Variants in FBN3 observed in about 807,000 individuals in gnomAD.
FBN3 encodes fibrillin-3.
In FBN3, 234 loss-of-function variants were observed where a neutral mutation model predicts 330.1. The observed-to-expected ratio is 0.71, with a 90% CI of 0.64 to 0.79. The LOEUF (loss-of-function observed/expected upper bound fraction) is 0.79. Ranked by LOEUF, FBN3 falls within the 30% of genes least tolerant of loss-of-function variation. FBN3 has a pLI of 0.00. For missense variants in FBN3, 3,606 were observed against 3,886.9 expected, an observed-to-expected ratio of 0.93 and a Z score of 1.92; for synonymous variants, 1,458 against 1,517.3, an observed-to-expected ratio of 0.96 and a Z score of 0.91.
chr19:8,139,740 A>T (rs1599441496), intron 8 of FBN3, among the ~76,000 whole-genome samples: 1 of 152,094 alleles, frequency 6.6e-6, no homozygotes, highest in Non-Finnish European at 1.5e-5. Context: ...CTCAAGGTCA[A>T]TGGCTTTATG....
At position 8,138,205 on chromosome 19, in the gene FBN3, T is replaced by C; in HGVS notation, c.1137A>G (p.Arg379=). The C allele has an allele frequency of 6.2e-7, 1 of 1,612,836 alleles. No homozygotes were observed. The highest frequency in any genetic ancestry group is 8.5e-7 in the Non-Finnish European group (1 of 1,179,610). The change falls in exon 10 of 64, where the codon CGA becomes CGG. Residue 379 remains arginine, a synonymous_variant. Transcript: ENST00000600128. ...NGMGPPLGPA[R]LNPHGSDARG... Reference sequence around the variant, plus strand: ...GCGCATCAGAGCCATGGGGGTTGAGTCGCGCTGGCCCAAGAGGGGGACCCA... The same window carrying C: ...GCGCATCAGAGCCATGGGGGTTGAGCCGCGCTGGCCCAAGAGGGGGACCCA...
chr19:8,126,471 T>A lies in FBN3; in HGVS notation c.2551A>T (p.Ile851Phe). The change falls in exon 20 of 64, where the codon ATC becomes TTC. Residue 851 changes from isoleucine (I) to phenylalanine (F), a missense_variant. Coordinates refer to ENST00000600128, the MANE Select transcript of FBN3 (RefSeq NM_032447.5). ...GAGGCCTCAAGGAGGATACTACCGA[T>A]CTCGCAGCGTTCGCAGGGGCTCCCC... ...AWGSPCERCE[I>F]DPACARGFAR... 6.2e-7 allele frequency: 1 copy of A among 1,611,846 alleles called. No homozygotes were observed. The highest frequency in any genetic ancestry group is 8.5e-7 in the Non-Finnish European group (1 of 1,179,180).
intron 22 of FBN3, among the ~76,000 whole-genome samples, chr19:8,125,533 G>A (rs1480791659): frequency 6.6e-6 from 1 of 152,170 alleles, no homozygotes; most frequent in African/African-American, 2.4e-5. Context: ...GCTCACGCCT[G>A]TAATCCCAAC....
chr19:8,116,838 C>A (rs1170577203), intron 28 of FBN3, 39 bp from the exon 29 acceptor site: 3 of 1,602,164 alleles, frequency 1.9e-6, no homozygotes, highest in Non-Finnish European at 2.6e-6. Flanking sequence ...TAGCTTTGCC[C>A]TGATAGACCA....
At chr19:8,135,939 C>CCCCCCCCCCCCCCCAAA in intron 13 of FBN3, 22 bp downstream of exon 13, 1 of 385,872 alleles carries the variant, frequency 2.6e-6, no homozygotes, top group Non-Finnish European at 5.0e-6. Flanking sequence ...AGCCCCTGCC[C>CCCCCCCCCCCCCCCAAA]ACCCGCCCAC....
chr19:8,084,004 G>A (rs143734610), intron 56 of FBN3, among the ~76,000 whole-genome samples: 1,676 of 151,680 alleles, frequency 0.011, 32 homozygotes, highest in African/African-American at 0.039. Context: ...GGGTTTCACC[G>A]TGTCAGCCAG....
Position 8,122,966 on chromosome 19 carries a change from C to T in FBN3, c.3082+498G>A, listed in dbSNP as rs763418517. 3.4e-4 allele frequency among the ~76,000 whole-genome samples: 51 copies of T among 151,982 alleles called. 1 individual carries two copies. Among genetic ancestry groups the T allele is most frequent in the Admixed American group, 1.3e-4 (2 of 15,276 alleles). ...ATGTGAGCCACCGCGCCCAGCCCAG[C>T]CCCTTCTTTTATAGTCAGGGTCCCT... On this transcript the variant is annotated intron_variant, in intron 24 of 63. Transcript: ENST00000600128.
At position 8,075,124 on chromosome 19, in the gene FBN3, C is replaced by T. The variant is rs142975316; in HGVS notation, c.7649G>A (p.Arg2550His). ...GGTGAAACCCTGGGGGCAGCTGCAGCGGTAGCCCCCTAGCTGGTTCTGACA... is the reference window on the plus strand; with the variant it reads ...GGTGAAACCCTGGGGGCAGCTGCAGTGGTAGCCCCCTAGCTGGTTCTGACA... ...HGCQNQLGGYRCSCPQGFTQH... is the reference protein window; with the variant it reads ...HGCQNQLGGYHCSCPQGFTQH... Residue 2550 changes from arginine (R) to histidine (H), a missense_variant, in exon 61 of 64, where the codon CGC becomes CAC. Coordinates refer to ENST00000600128, the MANE Select transcript of FBN3 (RefSeq NM_032447.5). 278 of 1,587,774 alleles carry T rather than the reference C, an allele frequency of 1.8e-4. No individual in the cohort carries two copies. Among genetic ancestry groups the T allele is most frequent in the Non-Finnish European group, 2.2e-4 (261 of 1,166,914 alleles).
At chr19:8,132,476 C>A (rs2083170870) in intron 14 of FBN3, among the ~76,000 whole-genome samples, 1 of 151,838 alleles carries the variant, frequency 6.6e-6, no homozygotes, top group African/African-American at 2.4e-5. Flanking sequence ...TGGCCCCTCC[C>A]CACCTTATAA....
chr19:8,101,958 T>C (rs2082335892), intron 40 of FBN3, among the ~76,000 whole-genome samples: 1 of 152,206 alleles, frequency 6.6e-6, no homozygotes, highest in Non-Finnish European at 1.5e-5. Context: ...GTAGCTCCCA[T>C]ATCCCCACAT....
rs1346036622 is a variant in FBN3 at position 8,127,062 on chromosome 19, T to TG, written c.2297-231_2297-230insC. ...AATGCCAAACTGTTTTTTTTTTGTT[T>TG]TTTTTTTTTTTTTGAGACAGAGTCT... On this transcript the variant is annotated intron_variant, in intron 18 of 63. Transcript: ENST00000600128. Among the ~76,000 whole-genome samples the TG allele has an allele frequency of 2.0e-3, 296 of 145,404 alleles. 1 individual carries two copies. The highest frequency in any genetic ancestry group is 7.1e-3 in the South Asian group (32 of 4,530).
At position 8,091,484 on chromosome 19, in the gene FBN3, G is replaced by A. The variant is rs573992919; in HGVS notation, c.6012C>T (p.Asp2004=). 6.2e-7 allele frequency: 1 copy of A among 1,612,632 alleles called. No homozygotes were observed. Among genetic ancestry groups the A allele is most frequent in the East Asian group, 2.2e-5 (1 of 44,830 alleles). ...ACTTACCAAAGCAACGGTGCCCATT[G>A]TCAGAGAGGACAAAGCCAGGTGGGC... The part of the protein sequence containing the change: ...CLCPPGFVLS[D]NGHRCFDTRQ... The change falls in exon 48 of 64, where the codon GAC becomes GAT. Residue 2004 remains aspartate (D), a synonymous_variant. Transcript: ENST00000600128.
intron 13 of FBN3, among the ~76,000 whole-genome samples, chr19:8,134,169 G>A (rs2083222956): frequency 6.6e-6 from 1 of 152,080 alleles, no homozygotes; most frequent in African/African-American, 2.4e-5. Context: ...GTGAACCCGG[G>A]AGGTGGAGGT....
At chr19:8,142,316 CT>C (rs1040099756) in intron 6 of FBN3, among the ~76,000 whole-genome samples, 179 bp from the exon 7 acceptor site, 7 of 152,150 alleles carry the variant, frequency 4.6e-5, no homozygotes, top group African/African-American at 1.7e-4. Flanking sequence ...CCTATTCACC[CT>C]TCAAAACCCT....
intron 13 of FBN3, 21 bp downstream of exon 13, chr19:8,135,940 A>ACCCCCCCCCCCCCCCCCCCCCCCC: frequency 5.9e-6 from 1 of 168,344 alleles, no homozygotes; most frequent in Non-Finnish European, 1.1e-5. Context: ...GCCCCTGCCC[A>ACCCCCCCCCCCCCCCCCCCCCCCC]CCCGCCCACC....
In FBN3 at chr19:8,146,140, G is replaced by T; in HGVS notation, c.336C>A (p.Cys112Ter). The change falls in exon 4 of 64, where the codon TGC becomes TGA. Residue 112 changes from cysteine (C) to a stop codon, truncating the protein, a stop_gained. Coordinates refer to ENST00000600128, the MANE Select transcript of FBN3 (RefSeq NM_032447.5). LOFTEE classifies it high-confidence loss of function. ...TCADGTLAPS[C>*]GVSRGSGCSV... ...CTTCCCGCTCACCTCGGCTCACCCC[G>T]CAGCTGGGAGCCAGCGTCCCATCCG... The T allele has an allele frequency of 6.3e-7, 1 of 1,595,986 alleles. No homozygotes were observed. The highest frequency in any genetic ancestry group is 8.5e-7 in the Non-Finnish European group (1 of 1,172,774).
intron 56 of FBN3, among the ~76,000 whole-genome samples, 154 bp from the exon 57 acceptor site, chr19:8,083,526 T>A (rs2081857550): frequency 6.6e-6 from 1 of 151,872 alleles, no homozygotes; most frequent in Admixed American, 6.6e-5. Flanking sequence ...GTGGACCCCA[T>A]CCTCAGGCTG....
chr19:8,097,606 G>T (rs2082239740), intron 41 of FBN3, among the ~76,000 whole-genome samples, 192 bp from the exon 42 acceptor site: 1 of 152,222 alleles, frequency 6.6e-6, no homozygotes, highest in South Asian at 2.1e-4. Context: ...TGGGAGGAAA[G>T]ACAAGAGCAG....
intron 8 of FBN3, among the ~76,000 whole-genome samples, chr19:8,140,056 C>G (rs1261277485): frequency 1.3e-5 from 2 of 152,152 alleles, no homozygotes; most frequent in Non-Finnish European, 2.9e-5. Context: ...TCAACAGACT[C>G]CTCCAAAGTC....
Sources: allele counts gnomAD v4.1 joint callset (sites outside exome capture counted in the v4.1 genomes callset), GRCh38; gene constraint gnomAD v4.1.1; transcripts MANE v1.5; gene names NCBI Gene and HGNC (gene_info 2026-07-23, HGNC 2026-07-21).